WDR83OS: variants seen among roughly 807,000 people sequenced by gnomAD.
WDR83OS encodes WD repeat domain 83 opposite strand.
Under a neutral mutation model 13.7 loss-of-function variants are expected in WDR83OS, and 15 were observed. The observed-to-expected ratio is 1.09, with a 90% CI of 0.73 to 1.69. The LOEUF (loss-of-function observed/expected upper bound fraction) is 1.69. WDR83OS is among the 40% of genes most tolerant of loss of function. The pLI is 0.00. For missense variants in WDR83OS, 145 were observed against 143.2 expected (o/e 1.01, Z -0.06); for synonymous variants, 68 against 52.9 (o/e 1.29, Z -1.24).
Position 12,669,230 on chromosome 19 carries a change from G to T in WDR83OS, c.54C>A (p.Tyr18Ter). The T allele has an allele frequency of 6.2e-7, 1 of 1,613,954 alleles. No homozygotes were observed. The highest frequency in any genetic ancestry group is 1.1e-5 in the South Asian group (1 of 91,076). ...GGTTACATTCGCTCGGCGGGGGCTT[G>T]TACCTGCGACAGGCTCGAGGGTCAG... ...DPRRPNKVLRYKPPPSECNPA... is the reference protein window; with the variant it reads ...DPRRPNKVLR The change falls in exon 2 of 4, where the codon TAC becomes TAA. Residue 18 changes from tyrosine to a stop codon, truncating the protein, a stop_gained. Transcript: ENST00000596731. LOFTEE classifies it high-confidence loss of function.
rs1356196629 is a variant in WDR83OS, at chr19:12,668,221, C to G, written c.*138G>C. The G allele has an allele frequency of 1.2e-6, 1 of 846,576 alleles. No homozygotes were observed. Among genetic ancestry groups the G allele is most frequent in the African/African-American group, 1.7e-5 (1 of 57,900 alleles). The allele number at this position is 846,576 out of a possible 1,614,324, so 52.4% of individuals were successfully genotyped here. ...GTGTTCCCTAGGAAAGGGCCAGGTT[C>G]CCTCTATCCAGCTGGGGGCACCGAG... On this transcript the variant is annotated 3_prime_UTR_variant, in exon 4 of 4. Coordinates refer to ENST00000596731, the MANE Select transcript of WDR83OS (RefSeq NM_016145.4).
Position 12,668,121 on chromosome 19 carries a change from A to G in WDR83OS, c.*238T>C, listed in dbSNP as rs888098366. The G allele has an allele frequency of 2.0e-6, 1 of 505,062 alleles. No homozygotes were observed. The highest frequency in any genetic ancestry group is 3.4e-5 in the Admixed American group (1 of 29,586). 31.3% of individuals were successfully genotyped at this position (505,062 alleles called of 1,614,324 possible). On this transcript the variant is annotated 3_prime_UTR_variant, in exon 4 of 4. Transcript: ENST00000596731. ...ACAGGTTTCAACGAGAAAGCAAATG[A>G]ATACCCCTAGAAACATGGACAGCAT...
At position 12,668,338 on chromosome 19, in the gene WDR83OS, T is replaced by A; in HGVS notation, c.*21A>T. 1 of 1,604,772 alleles carries A rather than the reference T, an allele frequency of 6.2e-7. No homozygotes were observed. Among genetic ancestry groups the A allele is most frequent in the Non-Finnish European group, 8.5e-7 (1 of 1,176,358 alleles). ...CCTAGTGGATAGACAGGGTCCAAAA[T>A]GTGACCCTTCTAGGCTGGTATCACC... is the stretch of plus-strand genomic sequence containing the variant. On this transcript the variant is annotated 3_prime_UTR_variant, in exon 4 of 4. Coordinates refer to ENST00000596731, the MANE Select transcript of WDR83OS (RefSeq NM_016145.4).
At chr19:12,668,947 C>CCAAGT (rs2024331507) in intron 2 of WDR83OS, among the ~76,000 whole-genome samples, 181 bp downstream of exon 2, 2 of 152,302 alleles carry the variant, frequency 1.3e-5, no homozygotes, top group South Asian at 4.1e-4. Context: ...CAACCTGACT[C>CCAAGT]GAATCCTTGA....
chr19:12,669,058 T>A, intron 2 of WDR83OS, 70 bp downstream of exon 2: 1 of 1,528,486 alleles, frequency 6.5e-7, no homozygotes, highest in Non-Finnish European at 9.0e-7. Flanking sequence ...ACACCCCGCT[T>A]CATTCCAAAC....
chr19:12,669,046 A>G (rs1403245749), intron 2 of WDR83OS, 82 bp downstream of exon 2: 10 of 1,429,402 alleles, frequency 7.0e-6, no homozygotes. Flanking sequence ...AGCAATGACA[A>G]GACACCCCGC....
In WDR83OS at chr19:12,668,626, A is replaced by G; in HGVS notation, c.157-9T>C. On this transcript the variant is annotated splice_polypyrimidine_tract_variant and intron_variant, in intron 2 of 3. Coordinates refer to ENST00000596731, the MANE Select transcript of WDR83OS (RefSeq NM_016145.4). ...CAAGCACACCACTTCAGCTAGGGAA[A>G]GGTAAGTGGGTGGGCAGGTTAGTGA... 1 of 1,613,246 alleles carries G rather than the reference A, an allele frequency of 6.2e-7. No individual in the cohort carries two copies. Among genetic ancestry groups the G allele is most frequent in the Non-Finnish European group, 8.5e-7 (1 of 1,179,418 alleles).
intron 2 of WDR83OS, 83 bp from the exon 3 acceptor site, chr19:12,668,700 T>C: frequency 8.7e-7 from 1 of 1,146,496 alleles, no homozygotes. Flanking sequence ...CACCAGATCA[T>C]GCCCACTGAT....
chr19:12,668,395 A>G lies in WDR83OS; in HGVS notation c.285T>C (p.Tyr95=), dbSNP rs763259789. 1 of 1,613,692 alleles carries G rather than the reference A, an allele frequency of 6.2e-7. No homozygotes were observed. The highest frequency in any genetic ancestry group is 1.1e-5 in the South Asian group (1 of 90,932). Residue 95 remains tyrosine, a synonymous_variant, in exon 4 of 4, where the codon TAT becomes TAC. Coordinates refer to ENST00000596731, the MANE Select transcript of WDR83OS (RefSeq NM_016145.4). ...GCGTCATGGGCTGAGGATTCTGCAG[A>G]TAGGACATCACCACGGCAGAGATGG... is the stretch of plus-strand genomic sequence containing the variant. ...MLSISAVVMS[Y]LQNPQPMTPP...
At chr19:12,669,081 C>T (rs2024333980) in intron 2 of WDR83OS, 47 bp downstream of exon 2, 1 of 1,589,640 alleles carries the variant, frequency 6.3e-7, no homozygotes, top group Non-Finnish European at 8.6e-7. Context: ...GCCCCCGGGC[C>T]TCGTTCTCAG....
rs1231011981 is a variant in WDR83OS, at chr19:12,668,185, G to A, written c.*174C>T. The A allele has an allele frequency of 1.3e-5, 8 of 622,340 alleles. No homozygotes were observed. Among genetic ancestry groups the A allele is most frequent in the Non-Finnish European group, 2.0e-5 (7 of 357,662 alleles). 38.6% of individuals were successfully genotyped at this position (622,340 alleles called of 1,614,324 possible). A position where few individuals can be genotyped will look rare whatever the true frequency, so the allele number is the denominator to read the frequency against. On this transcript the variant is annotated 3_prime_UTR_variant, in exon 4 of 4. Coordinates refer to ENST00000596731, the MANE Select transcript of WDR83OS (RefSeq NM_016145.4). ...AGGCAGGGGAAGGGAGGCAGGAGGG[G>A]TAAGCCTAGGGTGTTCCCTAGGAAA...
In WDR83OS at chr19:12,668,589, T is replaced by C. The variant is rs1555710876; in HGVS notation, c.185A>G (p.Tyr62Cys). Residue 62 changes from tyrosine to cysteine, a missense_variant, in exon 3 of 4, where the codon TAC becomes TGC. By Grantham distance (194) the Tyr-to-Cys change is radical (BLOSUM62 -2). Transcript: ENST00000596731. ...GTTGGCAAAGCTGATGAAGGAGCAG[T>C]AGACAGCGACCCAAGCACACCACTT... Reference protein sequence around the residue: ...KLKWCAWVAVYCSFISFANSR... With the variant: ...KLKWCAWVAVCCSFISFANSR... The C allele has an allele frequency of 6.2e-7, 1 of 1,614,042 alleles. No homozygotes were observed. The highest frequency in any genetic ancestry group is 8.5e-7 in the Non-Finnish European group (1 of 1,179,976).
At position 12,668,255 on chromosome 19, in the gene WDR83OS, AT is replaced by A; in HGVS notation, c.*103del. 1 of 1,250,072 alleles carries A rather than the reference AT, an allele frequency of 8.0e-7. No homozygotes were observed. The highest frequency in any genetic ancestry group is 1.1e-6 in the Non-Finnish European group (1 of 886,214). The allele number at this position is 1,250,072 out of a possible 1,614,324, so 77.4% of individuals were successfully genotyped here. ...CAGCTGGGGGCACCGAGACGGCCTC[AT>A]TCAGGGAAGTCCAGGATGGCAGCTG... is the stretch of plus-strand genomic sequence containing the variant. On this transcript the variant is annotated 3_prime_UTR_variant, in exon 4 of 4. Coordinates refer to ENST00000596731, the MANE Select transcript of WDR83OS (RefSeq NM_016145.4).
Position 12,669,376 on chromosome 19 carries a change from G to A in WDR83OS, c.28C>T (p.Arg10Trp). ...CACCTCAGCACTTTGTTCGGCCTCC[G>A]TGGGTCCGACATATTGTTAGTGGAC... The part of the protein sequence containing the change: MSTNNMSDP[R>W]RPNKVLRYKP... The change falls in exon 1 of 4, where the codon CGG (arginine) becomes TGG (tryptophan). Residue 10 changes from arginine (R) to tryptophan (W), a missense_variant. By Grantham distance (101) the Arg-to-Trp change is moderately radical. Coordinates refer to ENST00000596731, the MANE Select transcript of WDR83OS (RefSeq NM_016145.4). 1 of 1,601,814 alleles carries A rather than the reference G, an allele frequency of 6.2e-7. No individual in the cohort carries two copies. Among genetic ancestry groups the A allele is most frequent in the Non-Finnish European group, 8.5e-7 (1 of 1,173,700 alleles).
chr19:12,668,484 A>T (rs771133099), intron 3 of WDR83OS, 36 bp downstream of exon 3: 29 of 1,613,380 alleles, frequency 1.8e-5, no homozygotes, highest in Non-Finnish European at 2.3e-5. Flanking sequence ...CCCACCCCTT[A>T]CTCAAGAGTC....
chr19:12,668,318 T>G lies in WDR83OS; in HGVS notation c.*41A>C. 1 of 1,583,506 alleles carries G rather than the reference T, an allele frequency of 6.3e-7. No homozygotes were observed. The highest frequency in any genetic ancestry group is 8.6e-7 in the Non-Finnish European group (1 of 1,163,988). The stretch of plus-strand genomic sequence containing the variant: ...TTTAGCAGCCAAAGCCCAGGCCTAG[T>G]GGATAGACAGGGTCCAAAATGTGAC... On this transcript the variant is annotated 3_prime_UTR_variant, in exon 4 of 4. Transcript: ENST00000596731.
chr19:12,668,656 CACA>C (rs1247992624), intron 2 of WDR83OS, 39 bp from the exon 3 acceptor site: 1 of 1,561,404 alleles, frequency 6.4e-7, no homozygotes, highest in African/African-American at 1.4e-5. Flanking sequence ...TAGTGAAAGG[CACA>C]ACAATGAGTC....
chr19:12,668,615 C>A lies in WDR83OS; in HGVS notation c.159G>T (p.Leu53=), dbSNP rs1166575530. Residue 53 remains leucine (L), a splice_region_variant and synonymous_variant, in exon 3 of 4, where the codon CTG becomes CTT. Coordinates refer to ENST00000596731, the MANE Select transcript of WDR83OS (RefSeq NM_016145.4). ...AGACAGCGACCCAAGCACACCACTT[C>A]AGCTAGGGAAAGGTAAGTGGGTGGG... The part of the protein sequence containing the change: ...IFSMCGLMLK[L]KWCAWVAVYC... The A allele has an allele frequency of 1.2e-6, 2 of 1,613,938 alleles. No individual in the cohort carries two copies. Among genetic ancestry groups the A allele is most frequent in the East Asian group, 4.5e-5 (2 of 44,882 alleles).
Position 12,669,406 on chromosome 19 carries a change from C to A in WDR83OS, c.-3G>T. ...TCCGACATATTGTTAGTGGACATAG[C>A]GAGTCGAAGGCCAGATCACGCCTCT... On this transcript the variant is annotated 5_prime_UTR_variant, in exon 1 of 4. Coordinates refer to ENST00000596731, the MANE Select transcript of WDR83OS (RefSeq NM_016145.4). 6.3e-7 allele frequency: 1 copy of A among 1,594,260 alleles called. No homozygotes were observed. The highest frequency in any genetic ancestry group is 8.5e-7 in the Non-Finnish European group (1 of 1,169,644).
Sources: allele counts gnomAD v4.1 joint callset (sites outside exome capture counted in the v4.1 genomes callset), GRCh38; gene constraint gnomAD v4.1.1; transcripts MANE v1.5; gene names NCBI Gene and HGNC (gene_info 2026-07-23, HGNC 2026-07-21).